The following QTMAN variants were observed in gnomAD, a reference collection of about 807,000 sequenced individuals.
QTMAN encodes queuosine-tRNA mannosyltransferase, also known as tRNA-queuosine alpha-mannosyltransferase.
chr2:144,011,526 C>G, the QTMAN span: 2 of 597,168 alleles, frequency 3.3e-6, no homozygotes, highest in Non-Finnish European at 4.2e-6. Context: ...TACTAACAAG[C>G]AGTTTGCTTA....
At chr2:144,074,600 T>C in the QTMAN span, among the ~76,000 whole-genome samples, 4 of 152,206 alleles carry the variant, frequency 2.6e-5, no homozygotes, top group Non-Finnish European at 4.4e-5. Context: ...ATGACAGAAT[T>C]TTGAAACTTA....
the QTMAN span, among the ~76,000 whole-genome samples, chr2:144,280,464 A>C: frequency 6.6e-6 from 1 of 152,204 alleles, no homozygotes; most frequent in African/African-American, 2.4e-5. Flanking sequence ...AAGGCAGTGC[A>C]GGATTTTGGG....
At chr2:143,986,043 G>A in the QTMAN span, among the ~76,000 whole-genome samples, 2 of 151,968 alleles carry the variant, frequency 1.3e-5, no homozygotes, top group Non-Finnish European at 2.9e-5. Flanking sequence ...CTGCTAATTG[G>A]GTTCTCAGTA....
the QTMAN span, among the ~76,000 whole-genome samples, chr2:144,136,436 A>AAAGG: frequency 6.6e-6 from 1 of 150,992 alleles, no homozygotes; most frequent in East Asian, 1.9e-4. Context: ...AAAGGAAAGG[A>AAAGG]AAAGAAAGGA....
the QTMAN span, among the ~76,000 whole-genome samples, chr2:144,240,046 A>G: frequency 6.6e-6 from 1 of 152,268 alleles, no homozygotes; most frequent in East Asian, 1.9e-4. Flanking sequence ...TTAAAGAAAC[A>G]GCAATTGACT....
At chr2:144,203,377 C>G in the QTMAN span, among the ~76,000 whole-genome samples, 1 of 152,118 alleles carries the variant, frequency 6.6e-6, no homozygotes, top group East Asian at 1.9e-4. Flanking sequence ...ATTAAACAAT[C>G]CTGTCAATCA....
the QTMAN span, among the ~76,000 whole-genome samples, chr2:144,241,738 G>A: frequency 8.0e-5 from 12 of 150,674 alleles, no homozygotes; most frequent in Middle Eastern, 3.2e-3. Flanking sequence ...AGCTTATCTT[G>A]TTACTATAAA....
chr2:144,185,928 TA>T, the QTMAN span, among the ~76,000 whole-genome samples: 1 of 152,196 alleles, frequency 6.6e-6, no homozygotes, highest in Non-Finnish European at 1.5e-5. Context: ...GAAAAGATTA[TA>T]AAGTCGTACA....
chr2:143,965,735 A>G, the QTMAN span, among the ~76,000 whole-genome samples: 2 of 152,236 alleles, frequency 1.3e-5, no homozygotes, highest in African/African-American at 4.8e-5. Context: ...AAATGTCTCC[A>G]GACATTGCCA....
the QTMAN span, among the ~76,000 whole-genome samples, chr2:144,143,141 TA>T: frequency 6.6e-6 from 1 of 152,018 alleles, no homozygotes; most frequent in African/African-American, 2.4e-5. Flanking sequence ...TAGGTTAGGC[TA>T]AGCTATGATG....
chr2:144,107,967 C>T, the QTMAN span, among the ~76,000 whole-genome samples: 3 of 152,134 alleles, frequency 2.0e-5, no homozygotes, highest in Non-Finnish European at 4.4e-5. Context: ...AATCAATAAA[C>T]GTAATCCAGC....
the QTMAN span, among the ~76,000 whole-genome samples, chr2:144,268,681 C>A: frequency 6.6e-6 from 1 of 152,186 alleles, no homozygotes; most frequent in Non-Finnish European, 1.5e-5. Flanking sequence ...AAAATACAGG[C>A]AAACCAAGGT....
chr2:144,092,923 G>T, the QTMAN span, among the ~76,000 whole-genome samples: 13 of 149,348 alleles, frequency 8.7e-5, no homozygotes, highest in Admixed American at 8.7e-4. Flanking sequence ...GAAACACTGA[G>T]TATCTGGGGA....
the QTMAN span, among the ~76,000 whole-genome samples, chr2:144,101,163 C>G: frequency 6.6e-6 from 1 of 152,040 alleles, no homozygotes; most frequent in Non-Finnish European, 1.5e-5. Context: ...CCACCGTGCC[C>G]GGCCCATTTA....
the QTMAN span, among the ~76,000 whole-genome samples, chr2:144,244,547 A>G: frequency 6.6e-6 from 1 of 152,262 alleles, no homozygotes; most frequent in Non-Finnish European, 1.5e-5. Flanking sequence ...AATAATATAA[A>G]AAGTAAGTAA....
chr2:144,206,323 C>A, the QTMAN span, among the ~76,000 whole-genome samples: 2 of 152,140 alleles, frequency 1.3e-5, no homozygotes, highest in Non-Finnish European at 2.9e-5. Flanking sequence ...TTTTTCATAT[C>A]TTTAAAAATC....
the QTMAN span, among the ~76,000 whole-genome samples, chr2:144,287,372 T>C: frequency 1.3e-4 from 19 of 151,598 alleles, 1 homozygote; most frequent in Non-Finnish European, 1.9e-4. Flanking sequence ...GAGGCAGAGC[T>C]TGCAGTGAGT....
At chr2:144,274,638 C>G in the QTMAN span, among the ~76,000 whole-genome samples, 5 of 152,204 alleles carry the variant, frequency 3.3e-5, no homozygotes, top group African/African-American at 7.2e-5. Context: ...GAAGGTGGTA[C>G]GCCCAGAGAA....
the QTMAN span, among the ~76,000 whole-genome samples, chr2:144,081,143 A>C: frequency 6.6e-6 from 1 of 152,166 alleles, no homozygotes; most frequent in African/African-American, 2.4e-5. Flanking sequence ...CTTTTGTAAA[A>C]TCTGCAGAGG....
Sources: allele counts gnomAD v4.1 joint callset (sites outside exome capture counted in the v4.1 genomes callset), GRCh38; gene constraint gnomAD v4.1.1; transcripts MANE v1.5; gene names NCBI Gene and HGNC (gene_info 2026-07-23, HGNC 2026-07-21).